Variants in TTYH1 observed in about 807,000 individuals in gnomAD.
TTYH1 encodes tweety family member 1.
TTYH1 carries 33 observed loss-of-function variants against 61.2 expected under a neutral mutation model. The ratio of observed to expected loss-of-function variants is 0.54; its 90% CI spans 0.41 to 0.72. The LOEUF (loss-of-function observed/expected upper bound fraction) is 0.72, where lower values mean the gene tolerates loss of function less well. Among genes scored for constraint, TTYH1 ranks in the 30% least tolerant of loss-of-function variants. The pLI is 0.00. For synonymous variants in TTYH1, 308 were observed against 266.4 expected (o/e 1.16, Z -1.52); for missense variants, 538 against 575.8 (o/e 0.93, Z 0.67).
At chr19:54,422,100 C>T in intron 3 of TTYH1, 90 bp from the exon 4 acceptor site, 2 of 1,039,180 alleles carry the variant, frequency 1.9e-6, no homozygotes, top group Non-Finnish European at 2.8e-6. Flanking sequence ...CGCTACTATG[C>T]ACCCCTCCTT....
rs2083160866 is a variant in TTYH1 at position 54,419,370 on chromosome 19, C to T, written c.305+64C>T. On this transcript the variant is annotated intron_variant, in intron 2 of 13. Coordinates refer to ENST00000376530, the MANE Select transcript of TTYH1 (RefSeq NM_020659.4). The surrounding 1 kb of genome is among the most constrained non-coding windows in gnomAD (Gnocchi z 6.1). Reference sequence around the variant, plus strand: ...GCTCCCCAAGCTCTTTGCTGGCCTTCCTGGGGGTGTCCTCCGGGGACATGG... The same window carrying T: ...GCTCCCCAAGCTCTTTGCTGGCCTTTCTGGGGGTGTCCTCCGGGGACATGG... 3 of 1,505,634 alleles carry T rather than the reference C, an allele frequency of 2.0e-6. No homozygotes were observed. The highest frequency in any genetic ancestry group is 1.9e-5 in the Admixed American group (1 of 52,496). The allele number at this position is 1,505,634 out of a possible 1,614,324, so 93.3% of individuals were successfully genotyped here.
Position 54,419,130 on chromosome 19 carries a change from C to A in TTYH1, c.129C>A (p.Ala43=), listed in dbSNP as rs2083149773. The A allele has an allele frequency of 6.2e-7, 1 of 1,611,024 alleles. No homozygotes were observed. Residue 43 remains alanine (A), a splice_region_variant and synonymous_variant, in exon 2 of 14, where the codon GCC becomes GCA. Coordinates refer to ENST00000376530, the MANE Select transcript of TTYH1 (RefSeq NM_020659.4). The surrounding 1 kb of genome is among the most constrained non-coding windows in gnomAD (Gnocchi z 6.1). ...FAPQEQEYQQ[A]LLLVAALAGL... ...TCTGATGTCACCCCCTTCCCCAGGCCTTGTTGCTGGTGGCGGCCTTGGCGG... is the reference window on the plus strand; with the variant it reads ...TCTGATGTCACCCCCTTCCCCAGGCATTGTTGCTGGTGGCGGCCTTGGCGG...
chr19:54,419,791 A>G lies in TTYH1; in HGVS notation c.305+485A>G, dbSNP rs1000705200. Among the ~76,000 whole-genome samples the G allele has an allele frequency of 5.9e-5, 9 of 152,106 alleles. No homozygotes were observed. Among genetic ancestry groups the G allele is most frequent in the Non-Finnish European group, 8.8e-5 (6 of 68,028 alleles). On this transcript the variant is annotated intron_variant, in intron 2 of 13. Coordinates refer to ENST00000376530, the MANE Select transcript of TTYH1 (RefSeq NM_020659.4). The surrounding 1 kb of genome is among the most constrained non-coding windows in gnomAD (Gnocchi z 6.1). Reference sequence around the variant, plus strand: ...CGTCATTCACCAGCTCATTCATTCGACAACTGTTTATTGAGTATTTACTAT... The same window carrying G: ...CGTCATTCACCAGCTCATTCATTCGGCAACTGTTTATTGAGTATTTACTAT...
rs1332433385 is a variant in TTYH1, at chr19:54,420,220, T to A, written c.305+914T>A. Among the ~76,000 whole-genome samples the A allele has an allele frequency of 6.6e-6, 1 of 152,122 alleles. No homozygotes were observed. Among genetic ancestry groups the A allele is most frequent in the Non-Finnish European group, 1.5e-5 (1 of 68,008 alleles). ...CCACAGGTTGCAGACAGCAATCCTC[T>A]TCCACAGACGGGGGGTCCCAGAGGG... On this transcript the variant is annotated intron_variant, in intron 2 of 13. Transcript: ENST00000376530. The surrounding 1 kb of genome is among the most constrained non-coding windows in gnomAD (Gnocchi z 4.8).
chr19:54,426,917 G>T (rs916600124), intron 5 of TTYH1, 149 bp downstream of exon 5: 4 of 668,716 alleles, frequency 6.0e-6, no homozygotes, highest in African/African-American at 5.4e-5. Flanking sequence ...GCCCAGGAGG[G>T]AGGCGGGGAC....
chr19:54,421,412 A>T lies in TTYH1; in HGVS notation c.417+24A>T. On this transcript the variant is annotated intron_variant, in intron 3 of 13. Coordinates refer to ENST00000376530, the MANE Select transcript of TTYH1 (RefSeq NM_020659.4). The surrounding 1 kb of genome is among the most constrained non-coding windows in gnomAD (Gnocchi z 4.8). ...TGGTGAGGGGCCAGCAACCAGTGGG[A>T]CCCCAGACCCACACCTGGACGGGCT... 1 of 1,499,944 alleles carries T rather than the reference A, an allele frequency of 6.7e-7. No individual in the cohort carries two copies. Among genetic ancestry groups the T allele is most frequent in the Non-Finnish European group, 9.3e-7 (1 of 1,075,982 alleles). 92.9% of individuals were successfully genotyped at this position (1,499,944 alleles called of 1,614,324 possible). A position where few individuals can be genotyped will look rare whatever the true frequency, so the allele number is the denominator to read the frequency against.
intron 10 of TTYH1, chr19:54,433,744 G>A (rs1303196040): frequency 6.6e-6 from 1 of 151,786 alleles, no homozygotes; most frequent in African/African-American, 2.4e-5. Context: ...AGGGACATCA[G>A]GGATGAGGAT....
At position 54,416,116 on chromosome 19, in the gene TTYH1, A is replaced by G; in HGVS notation, c.126+438A>G. 7.7e-7 allele frequency: 1 copy of G among 1,291,336 alleles called. No homozygotes were observed. The highest frequency in any genetic ancestry group is 1.0e-6 in the Non-Finnish European group (1 of 977,698). The allele number at this position is 1,291,336 out of a possible 1,614,324, so 80.0% of individuals were successfully genotyped here. The stretch of plus-strand genomic sequence containing the variant: ...GACCCAGGAGACAGCGGACCTGATA[A>G]CGGTGGCGGGGAAAACGCTGGCTGC... On this transcript the variant is annotated intron_variant, in intron 1 of 13. Transcript: ENST00000376530. This position sits in a 1 kb window ranked among gnomAD's most constrained non-coding sequence, Gnocchi z 7.0.
Position 54,422,411 on chromosome 19 carries a change from G to T in TTYH1, c.638+1G>T. On this transcript the variant is annotated splice_donor_variant, in intron 4 of 13. Transcript: ENST00000376530. LOFTEE classifies it high-confidence loss of function. ...ATGTGTCCTTTGTGGAGGAGTACAG[G>T]TGAGACGCTGCTCTTCTTGCTCTCT... is the stretch of plus-strand genomic sequence containing the variant. 1 of 1,529,422 alleles carries T rather than the reference G, an allele frequency of 6.5e-7. No homozygotes were observed. The highest frequency in any genetic ancestry group is 8.8e-7 in the Non-Finnish European group (1 of 1,132,454). The allele number at this position is 1,529,422 out of a possible 1,614,324, so 94.7% of individuals were successfully genotyped here. A position where few individuals can be genotyped will look rare whatever the true frequency, so the allele number is the denominator to read the frequency against.
rs540661722 is a variant in TTYH1 at position 54,420,334 on chromosome 19, G to C, written c.306-943G>C. Among the ~76,000 whole-genome samples, 206 of 152,310 alleles carry C rather than the reference G, an allele frequency of 1.4e-3. No homozygotes were observed. Among genetic ancestry groups the C allele is most frequent in the African/African-American group, 4.6e-3 (193 of 41,570 alleles). The stretch of plus-strand genomic sequence containing the variant: ...AGGACGCTTCCTCCTCCGGCTCTCT[G>C]GCGTGGGGGGAGACAGGGGAGGTGG... On this transcript the variant is annotated intron_variant, in intron 2 of 13. Coordinates refer to ENST00000376530, the MANE Select transcript of TTYH1 (RefSeq NM_020659.4). The surrounding 1 kb of genome is among the most constrained non-coding windows in gnomAD (Gnocchi z 4.8).
At chr19:54,430,473 C>A (rs1455454766) in intron 7 of TTYH1, 77 bp from the exon 8 acceptor site, 1 of 1,519,236 alleles carries the variant, frequency 6.6e-7, no homozygotes. Flanking sequence ...GCTAACCCCC[C>A]AGTGCCCGGC....
Position 54,425,800 on chromosome 19 carries a change from C to G in TTYH1, c.639-873C>G, listed in dbSNP as rs7255087. 6.3e-3 allele frequency among the ~76,000 whole-genome samples: 957 copies of G among 152,224 alleles called. 13 individuals are homozygous for G. Among genetic ancestry groups the G allele is most frequent in the African/African-American group, 0.022 (902 of 41,512 alleles). On this transcript the variant is annotated intron_variant, in intron 4 of 13. Coordinates refer to ENST00000376530, the MANE Select transcript of TTYH1 (RefSeq NM_020659.4). ...GTGCAATCTTGGCTCACTGCAACCT[C>G]CACCTCATGGGTTCAAATGATTCTC...
At chr19:54,423,283 C>T (rs556220028) in intron 4 of TTYH1, among the ~76,000 whole-genome samples, 83 of 151,448 alleles carry the variant, frequency 5.5e-4, no homozygotes, top group Non-Finnish European at 1.1e-3. Flanking sequence ...CTGCAACCTC[C>T]GCCTCCTGGA....
In TTYH1 at chr19:54,415,475, G is replaced by T; in HGVS notation, c.-78G>T. ...GCTCCCCTGAGCCCAGCCAGACCCC[G>T]CGCCGCCCGCGCCCCGCTCGACTCC... On this transcript the variant is annotated 5_prime_UTR_variant, in exon 1 of 14. Coordinates refer to ENST00000376530, the MANE Select transcript of TTYH1 (RefSeq NM_020659.4). This position sits in a 1 kb window ranked among gnomAD's most constrained non-coding sequence, Gnocchi z 5.2. 9.7e-7 allele frequency: 1 copy of T among 1,026,918 alleles called. No individual in the cohort carries two copies. Among genetic ancestry groups the T allele is most frequent in the Non-Finnish European group, 1.2e-6 (1 of 855,492 alleles). The allele number at this position is 1,026,918 out of a possible 1,614,324, so 63.6% of individuals were successfully genotyped here.
chr19:54,422,397 G>A lies in TTYH1; in HGVS notation c.625G>A (p.Val209Met). 1 of 1,564,438 alleles carries A rather than the reference G, an allele frequency of 6.4e-7. No homozygotes were observed. The highest frequency in any genetic ancestry group is 8.7e-7 in the Non-Finnish European group (1 of 1,154,044). Residue 209 changes from valine to methionine, a missense_variant, in exon 4 of 14, where the codon GTG (valine) becomes ATG (methionine). Val to Met is a conservative substitution (Grantham distance 21). Around this residue, in one of 3 missense-constraint regions of TTYH1, gnomAD observed 378 missense variants for 401.2 expected, o/e 0.94. Transcript: ENST00000376530. ...GCAGGTGGCTGAAAATGTGTCCTTT[G>A]TGGAGGAGTACAGGTGAGACGCTGC... is the stretch of plus-strand genomic sequence containing the variant. ...PLQVAENVSF[V>M]EEYRWLAYVL...
chr19:54,426,850 A>C, intron 5 of TTYH1, 82 bp downstream of exon 5: 4 of 1,268,960 alleles, frequency 3.2e-6, no homozygotes, highest in Non-Finnish European at 4.5e-6. Flanking sequence ...ACTCTCCTAC[A>C]CGGAGGACCG....
At chr19:54,418,007 G>GACACACACACACAC (rs35160501) in intron 1 of TTYH1, among the ~76,000 whole-genome samples, 1 of 148,174 alleles carries the variant, frequency 6.7e-6, no homozygotes, top group Non-Finnish European at 1.5e-5. Flanking sequence ...ACACACTTGG[G>GACACACACACACAC]ACACACACAC....
rs1043448945 is a variant in TTYH1 at position 54,431,107 on chromosome 19, G to T, written c.1041G>T (p.Leu347=). The T allele has an allele frequency of 6.2e-7, 1 of 1,613,422 alleles. No homozygotes were observed. Among genetic ancestry groups the T allele is most frequent in the South Asian group, 1.1e-5 (1 of 91,066 alleles). ...CCCTCCTCGCCCCGCAGAAGCCTCT[G>T]CTGTCCTTGGAGGAGACTCTGAATG... ...VPQFPSAQKP[L]LSLEETLNVT... The change falls in exon 10 of 14, where the codon CTG becomes CTT. Residue 347 remains leucine (L), a synonymous_variant. Coordinates refer to ENST00000376530, the MANE Select transcript of TTYH1 (RefSeq NM_020659.4).
At position 54,436,033 on chromosome 19, in the gene TTYH1, C is replaced by A; in HGVS notation, c.1315-58C>A. 2 of 1,596,758 alleles carry A rather than the reference C, an allele frequency of 1.3e-6. No homozygotes were observed. The highest frequency in any genetic ancestry group is 2.7e-5 in the African/African-American group (2 of 74,670). ...GAGGAGGGGCTGGGGTCCCACAGTA[C>A]AAAGCCAATTCCCACTCCATTCCCT... On this transcript the variant is annotated intron_variant, in intron 12 of 13. Coordinates refer to ENST00000376530, the MANE Select transcript of TTYH1 (RefSeq NM_020659.4). The surrounding 1 kb of genome is among the most constrained non-coding windows in gnomAD (Gnocchi z 4.3).
Sources: allele counts gnomAD v4.1 joint callset (sites outside exome capture counted in the v4.1 genomes callset), GRCh38; gene constraint gnomAD v4.1.1; regional missense constraint gnomAD v4.1.1; non-coding constraint Gnocchi (gnomAD v3.1); transcripts MANE v1.5; gene names NCBI Gene and HGNC (gene_info 2026-07-23, HGNC 2026-07-21).